The following MACROD1 variants were observed in gnomAD, a reference collection of about 807,000 sequenced individuals.
The protein encoded by MACROD1 is mono-ADP ribosylhydrolase 1, also known as ADP-ribose glycohydrolase MACROD1.
A neutral mutation model predicts 41.4 loss-of-function variants in MACROD1; 31 were observed. That is an observed-to-expected ratio of 0.75 (90% CI 0.56 to 1.01). The LOEUF (loss-of-function observed/expected upper bound fraction) is 1.01. MACROD1 is among the 50% of genes least tolerant of loss of function. The pLI is 0.00. For missense variants in MACROD1, 473 were observed against 460.0 expected, an observed-to-expected ratio of 1.03 and a Z score of -0.26; for synonymous variants, 252 against 203.4, an observed-to-expected ratio of 1.24 and a Z score of -2.03.
chr11:64,116,289 G>A (rs1416838729), intron 3 of MACROD1: 8 of 1,600,730 alleles, frequency 5.0e-6, no homozygotes, highest in African/African-American at 1.3e-5. Flanking sequence ...ACACCCCACC[G>A]CCACTGCCAC....
chr11:64,133,827 A>G (rs1400077917), intron 3 of MACROD1, among the ~76,000 whole-genome samples: 1 of 152,220 alleles, frequency 6.6e-6, no homozygotes, highest in Admixed American at 6.5e-5. Context: ...TGCTGCAGGA[A>G]TTAATGAAAC....
intron 3 of MACROD1, among the ~76,000 whole-genome samples, chr11:64,109,430 GT>G (rs1343816745): frequency 5.9e-5 from 9 of 152,268 alleles, no homozygotes; most frequent in African/African-American, 2.2e-4. Context: ...CTCCCCACTC[GT>G]GACACTGGGC....
intron 3 of MACROD1, among the ~76,000 whole-genome samples, chr11:64,074,129 G>C (rs1944158871): frequency 6.6e-6 from 1 of 152,222 alleles, no homozygotes; most frequent in African/African-American, 2.4e-5. Flanking sequence ...GAGTCATCTA[G>C]AATGTCACAA....
chr11:64,115,835 C>T (rs888603110), intron 3 of MACROD1, among the ~76,000 whole-genome samples: 4 of 152,210 alleles, frequency 2.6e-5, no homozygotes, highest in South Asian at 2.1e-4. Flanking sequence ...GTACCTTTAG[C>T]GTTGGCCATA....
intron 3 of MACROD1, chr11:64,081,594 CAA>C (rs1393792331): frequency 6.6e-6 from 1 of 151,552 alleles, no homozygotes; most frequent in African/African-American, 2.4e-5. Flanking sequence ...AGGCACAGGC[CAA>C]AGACAGGGAG....
At chr11:64,099,446 G>A (rs890492778) in intron 3 of MACROD1, among the ~76,000 whole-genome samples, 1 of 152,228 alleles carries the variant, frequency 6.6e-6, no homozygotes, top group African/African-American at 2.4e-5. Context: ...ATGGAAAGAT[G>A]GAGAAATGGA....
intron 3 of MACROD1, among the ~76,000 whole-genome samples, chr11:64,143,796 AC>A (rs1565257714): frequency 1.4e-5 from 2 of 146,414 alleles, no homozygotes; most frequent in South Asian, 2.1e-4. Context: ...ACACACACAC[AC>A]ACACAATTTC....
intron 3 of MACROD1, among the ~76,000 whole-genome samples, chr11:64,079,660 G>A (rs1362134119): frequency 6.6e-6 from 1 of 152,162 alleles, no homozygotes; most frequent in Non-Finnish European, 1.5e-5. Context: ...AAGCCTGTGG[G>A]AGCAGAGACC....
At chr11:64,114,394 T>G (rs1358127426) in intron 3 of MACROD1, among the ~76,000 whole-genome samples, 4 of 143,428 alleles carry the variant, frequency 2.8e-5, no homozygotes, top group Non-Finnish European at 1.5e-5. Flanking sequence ...GATGGGTGAA[T>G]GGACAGGTGG....
chr11:64,117,728 G>A (rs1160210486), intron 3 of MACROD1: 2 of 1,613,838 alleles, frequency 1.2e-6, no homozygotes, highest in Non-Finnish European at 1.7e-6. Context: ...TGGTGCAGGG[G>A]GACAAGACAG....
intron 3 of MACROD1, among the ~76,000 whole-genome samples, chr11:64,016,278 C>T (rs554643185): frequency 1.3e-5 from 2 of 152,370 alleles, no homozygotes; most frequent in East Asian, 1.9e-4. Flanking sequence ...GCTCCAGCCC[C>T]GATCCGCAGC....
At chr11:64,083,291 C>G (rs899251958) in intron 3 of MACROD1, among the ~76,000 whole-genome samples, 1 of 152,126 alleles carries the variant, frequency 6.6e-6, no homozygotes, top group Non-Finnish European at 1.5e-5. Context: ...AAAAAAACAG[C>G]TGGGCATGGT....
At position 64,146,492 on chromosome 11, in the gene MACROD1, G is replaced by A. The variant is rs772532113; in HGVS notation, c.517+4747C>T. On this transcript the variant is annotated intron_variant, in intron 3 of 10. Coordinates refer to ENST00000255681, the MANE Select transcript of MACROD1 (RefSeq NM_014067.4). The surrounding 1 kb of genome is among the most constrained non-coding windows in gnomAD (Gnocchi z 4.7). ...GATGGCAGGAACCTGAGACTCTCCC[G>A]GGTGCTACCCAAGCAAGTGGCCTCA... 1.1e-4 allele frequency among the ~76,000 whole-genome samples: 16 copies of A among 152,158 alleles called. No homozygotes were observed. The highest frequency in any genetic ancestry group is 5.2e-4 in the Admixed American group (8 of 15,282).
chr11:64,028,652 G>T (rs944536041), intron 3 of MACROD1, among the ~76,000 whole-genome samples: 4 of 137,968 alleles, frequency 2.9e-5, no homozygotes, highest in Non-Finnish European at 6.3e-5. Flanking sequence ...ATCGCGCCCC[G>T]CCCCCTGCCG....
In MACROD1 at chr11:63,999,642, C is replaced by T; in HGVS notation, c.786G>A (p.Val262=). The change falls in exon 6 of 11, where the codon GTG becomes GTA. Residue 262 remains valine (V), a splice_region_variant and synonymous_variant. Coordinates refer to ENST00000255681, the MANE Select transcript of MACROD1 (RefSeq NM_014067.4). The part of the protein sequence containing the change: ...DLLLEHRLRS[V]AFPCISTGVF... ...CCCTCCCCCGCGGGCCGTCCCTCAC[C>T]ACCGAGCGGAGCCGGTGCTCCAGCA... 2 of 1,609,650 alleles carry T rather than the reference C, an allele frequency of 1.2e-6. No homozygotes were observed. Among genetic ancestry groups the T allele is most frequent in the Non-Finnish European group, 1.7e-6 (2 of 1,178,954 alleles).
At chr11:64,159,624 G>A (rs1036096462) in intron 1 of MACROD1, among the ~76,000 whole-genome samples, 2 of 151,800 alleles carry the variant, frequency 1.3e-5, no homozygotes, top group Admixed American at 1.3e-4. Context: ...GAGAAACCCC[G>A]TCTCTACTAA....
chr11:64,002,713 C>T (rs1172238587), intron 4 of MACROD1, among the ~76,000 whole-genome samples: 1 of 152,212 alleles, frequency 6.6e-6, no homozygotes, highest in East Asian at 1.9e-4. Context: ...ACCCCTCCCA[C>T]ACACACTCCC....
chr11:64,147,158 C>A (rs1452591510), intron 3 of MACROD1, among the ~76,000 whole-genome samples: 1 of 152,032 alleles, frequency 6.6e-6, no homozygotes, highest in Non-Finnish European at 1.5e-5. Context: ...CTCGACCTCC[C>A]AGGCTCAAGC....
intron 3 of MACROD1, chr11:64,117,902 T>C (rs770731645): frequency 1.2e-6 from 2 of 1,613,922 alleles, no homozygotes; most frequent in South Asian, 1.1e-5. Context: ...AGCAGAACGC[T>C]GGCCCCATGG....
Sources: allele counts gnomAD v4.1 joint callset (sites outside exome capture counted in the v4.1 genomes callset), GRCh38; gene constraint gnomAD v4.1.1; non-coding constraint Gnocchi (gnomAD v3.1); transcripts MANE v1.5; gene names NCBI Gene and HGNC (gene_info 2026-07-23, HGNC 2026-07-21).